Variants in BSN observed in about 807,000 individuals in gnomAD.
BSN encodes protein bassoon.
BSN carries 57 observed loss-of-function variants against 264.8 expected under a neutral mutation model. The ratio of observed to expected loss-of-function variants is 0.22; its 90% CI spans 0.17 to 0.27. The LOEUF is 0.27. Among genes scored for constraint, BSN ranks in the 10% least tolerant of loss-of-function variants. The pLI is 1.00. For missense variants in BSN, 4,615 were observed against 5,232.5 expected (o/e 0.88, Z 3.64); for synonymous variants, 2,059 against 2,137.3 (o/e 0.96, Z 1.01).
intron 1 of BSN, among the ~76,000 whole-genome samples, chr3:49,577,183 C>T (rs2051851077): frequency 6.6e-6 from 1 of 152,178 alleles, no homozygotes; most frequent in Non-Finnish European, 1.5e-5. Flanking sequence ...CGAATTTCTT[C>T]GCTATCTTGC....
chr3:49,607,524 C>T (rs1470892148), intron 1 of BSN, among the ~76,000 whole-genome samples: 1 of 152,222 alleles, frequency 6.6e-6, no homozygotes, highest in Non-Finnish European at 1.5e-5. Flanking sequence ...CTGTCACATG[C>T]TCACACACAC....
At chr3:49,667,321 AAAAAAG>A (rs2052719844) in intron 11 of BSN, among the ~76,000 whole-genome samples, 1 of 151,950 alleles carries the variant, frequency 6.6e-6, no homozygotes, top group Non-Finnish European at 1.5e-5. Context: ...AAAAAAAAAA[AAAAAAG>A]GAACTTTTGT....
At chr3:49,637,341 A>G (rs1299786232) in intron 2 of BSN, among the ~76,000 whole-genome samples, 1 of 152,034 alleles carries the variant, frequency 6.6e-6, no homozygotes, top group Non-Finnish European at 1.5e-5. Flanking sequence ...GGTAGACTCC[A>G]CCCTGTGAGC....
At chr3:49,635,120 C>G (rs1213764811) in intron 2 of BSN, among the ~76,000 whole-genome samples, 1 of 152,132 alleles carries the variant, frequency 6.6e-6, no homozygotes, top group Non-Finnish European at 1.5e-5. Flanking sequence ...TCTGTTTGGG[C>G]CATTGCCAAG....
In BSN at chr3:49,655,401, C is replaced by G. The variant is rs762937440; in HGVS notation, c.5845C>G (p.Pro1949Ala). 1.9e-6 allele frequency: 3 copies of G among 1,571,808 alleles called. No individual in the cohort carries two copies. In the Admixed American group the frequency reaches 5.3e-5, roughly 28 times the overall value. The change falls in exon 5 of 12, where the codon CCT becomes GCT. Residue 1949 changes from proline to alanine, a missense_variant. Physicochemically the swap from Pro to Ala is conservative, Grantham distance 27. Coordinates refer to ENST00000296452, the MANE Select transcript of BSN (RefSeq NM_003458.4). The part of the protein sequence containing the change: ...SPFYGPRDPE[P>A]PEPPTYRAQG... ...CTTCTATGGTCCCCGGGACCCTGAG[C>G]CTCCTGAGCCCCCAACCTACCGGGC...
In BSN at chr3:49,642,562, A is replaced by C; in HGVS notation, c.928A>C (p.Thr310Pro). Reference protein sequence around the residue: ...GRVSPQPPQPTKPSTAEPRPP... With the variant: ...GRVSPQPPQPPKPSTAEPRPP... ...GGTGTCTCCTCAGCCCCCTCAACCC[A>C]CCAAGCCTTCCACAGCTGAGCCCAG... Residue 310 changes from threonine (T) to proline (P), a missense_variant, in exon 3 of 12, where the codon ACC becomes CCC. Coordinates refer to ENST00000296452, the MANE Select transcript of BSN (RefSeq NM_003458.4). The surrounding 1 kb of genome is among the most constrained non-coding windows in gnomAD (Gnocchi z 7.0). 12 of 1,603,416 alleles carry C rather than the reference A, an allele frequency of 7.5e-6. No homozygotes were observed. The highest frequency in any genetic ancestry group is 9.4e-6 in the Non-Finnish European group (11 of 1,173,754).
At chr3:49,672,907 G>C (rs957563599), downstream of BSN, among the ~76,000 whole-genome samples, 33 of 150,588 alleles carry the variant, frequency 2.2e-4, no homozygotes, top group South Asian at 6.3e-4. Flanking sequence ...AGCCTCCCGA[G>C]TAACTGGGAC....
In BSN at chr3:49,663,346, T is replaced by C; in HGVS notation, c.11188T>C (p.Ser3730Pro). The part of the protein sequence containing the change: ...DSKKGSRQAH[S>P]GPAALQSKAE... ...CAAGAAGGGCTCCCGGCAAGCCCAC[T>C]CCGGGCCCGCTGCACTGCAGTCAAA... is the stretch of plus-strand genomic sequence containing the variant. Residue 3730 changes from serine to proline, a missense_variant, in exon 7 of 12, where the codon TCC becomes CCC. This residue lies in a region of BSN where 3,415 missense variants were observed against 3,866.4 expected (regional missense o/e 0.88). Transcript: ENST00000296452. 6.2e-7 allele frequency: 1 copy of C among 1,613,638 alleles called. No homozygotes were observed. The highest frequency in any genetic ancestry group is 8.5e-7 in the Non-Finnish European group (1 of 1,180,022).
intron 3 of BSN, among the ~76,000 whole-genome samples, chr3:49,643,900 G>A (rs2052486740): frequency 6.6e-6 from 1 of 152,176 alleles, no homozygotes; most frequent in Non-Finnish European, 1.5e-5. Context: ...TGCTAGGCAG[G>A]AGGGAGCAGG....
rs1266279236 is a variant in BSN at position 49,653,420 on chromosome 3, G to T, written c.3864G>T (p.Lys1288Asn). The T allele has an allele frequency of 1.2e-6, 2 of 1,613,896 alleles. No homozygotes were observed. Among genetic ancestry groups the T allele is most frequent in the African/African-American group, 2.7e-5 (2 of 74,912 alleles). The change falls in exon 5 of 12, where the codon AAG (lysine) becomes AAT (asparagine). Residue 1288 changes from lysine to asparagine, a missense_variant. Transcript: ENST00000296452. The surrounding 1 kb of genome is among the most constrained non-coding windows in gnomAD (Gnocchi z 6.3). ...LAFAEDKKKE[K>N]QFLNAESAYM... Reference sequence around the variant, plus strand: ...TTGCTGAGGACAAAAAGAAGGAGAAGCAGTTTCTAAATGCTGAGAGTGCAT... The same window carrying T: ...TTGCTGAGGACAAAAAGAAGGAGAATCAGTTTCTAAATGCTGAGAGTGCAT...
chr3:49,635,793 G>A (rs1457344890), intron 2 of BSN, among the ~76,000 whole-genome samples: 1 of 151,944 alleles, frequency 6.6e-6, no homozygotes, highest in African/African-American at 2.4e-5. Flanking sequence ...TGAGTAACAT[G>A]GCAAAACCCT....
In BSN at chr3:49,661,434, G is replaced by A. The variant is rs1391230161; in HGVS notation, c.9589G>A (p.Val3197Met). 2.5e-6 allele frequency: 4 copies of A among 1,613,766 alleles called. No individual in the cohort carries two copies. The highest frequency in any genetic ancestry group is 3.4e-6 in the Non-Finnish European group (4 of 1,180,024). Reference protein sequence around the residue: ...SGYEQGKVPEVPRAGDRGSVS... With the variant: ...SGYEQGKVPEMPRAGDRGSVS... ...CTATGAGCAGGGCAAGGTCCCTGAG[G>A]TGCCCCGGGCTGGTGACCGTGGCAG... Residue 3197 changes from valine (V) to methionine (M), a missense_variant, in exon 6 of 12, where the codon GTG becomes ATG. Physicochemically the swap from Val to Met is conservative, Grantham distance 21. This residue lies in a region of BSN where 3,415 missense variants were observed against 3,866.4 expected (regional missense o/e 0.88). Coordinates refer to ENST00000296452, the MANE Select transcript of BSN (RefSeq NM_003458.4).
At chr3:49,571,304 T>C (rs987679607) in intron 1 of BSN, among the ~76,000 whole-genome samples, 1 of 151,930 alleles carries the variant, frequency 6.6e-6, no homozygotes, top group Non-Finnish European at 1.5e-5. Flanking sequence ...GGAGCCTGGG[T>C]TTCCTAGCTC....
At chr3:49,572,138 TG>T (rs1384132283) in intron 1 of BSN, among the ~76,000 whole-genome samples, 2 of 152,242 alleles carry the variant, frequency 1.3e-5, no homozygotes, top group East Asian at 3.8e-4. Flanking sequence ...TGTTGACCAT[TG>T]GACTTGTAGG....
At chr3:49,598,798 A>G (rs552005361) in intron 1 of BSN, among the ~76,000 whole-genome samples, 37 of 152,358 alleles carry the variant, frequency 2.4e-4, no homozygotes, top group African/African-American at 8.7e-4. Flanking sequence ...GTTATTCAAC[A>G]TAGTAATGGA....
chr3:49,580,847 T>C (rs1194935774), intron 1 of BSN, among the ~76,000 whole-genome samples: 3 of 152,164 alleles, frequency 2.0e-5, no homozygotes, highest in African/African-American at 4.8e-5. Flanking sequence ...TTTAGTGGCA[T>C]TAATTACTGT....
At chr3:49,597,737 G>C (rs1303700480) in intron 1 of BSN, among the ~76,000 whole-genome samples, 2 of 151,770 alleles carry the variant, frequency 1.3e-5, no homozygotes, top group African/African-American at 2.4e-5. Context: ...CCGCCTTCTG[G>C]GTTCACACCA....
At position 49,651,819 on chromosome 3, in the gene BSN, G is replaced by A. The variant is rs977844076; in HGVS notation, c.2263G>A (p.Glu755Lys). ...CAAGCCACTCTCCAGCGGTACTGGC[G>A]AGGAGCAGAAGCAGCGGCCCCACTC... ...RSKPLSSGTGEEQKQRPHSLS... is the reference protein window; with the variant it reads ...RSKPLSSGTGKEQKQRPHSLS... Residue 755 changes from glutamate to lysine, a missense_variant, in exon 5 of 12, where the codon GAG (glutamate) becomes AAG (lysine). Glu to Lys is a moderately conservative substitution (Grantham distance 56, BLOSUM62 1). Coordinates refer to ENST00000296452, the MANE Select transcript of BSN (RefSeq NM_003458.4). This position sits in a 1 kb window ranked among gnomAD's most constrained non-coding sequence, Gnocchi z 5.4. The A allele has an allele frequency of 1.5e-5, 24 of 1,613,752 alleles. No homozygotes were observed. The highest frequency in any genetic ancestry group is 1.8e-5 in the Non-Finnish European group (21 of 1,180,054).
Position 49,661,885 on chromosome 3 carries a change from G to C in BSN, c.10040G>C (p.Ser3347Thr). Residue 3347 changes from serine to threonine, a missense_variant, in exon 6 of 12, where the codon AGC becomes ACC. Transcript: ENST00000296452. The stretch of plus-strand genomic sequence containing the variant: ...ATGGGGCCCAAGCATCCCTCCAAGA[G>C]CCTGGCTCCAGCTGCCATCTCCTCA... ...GPMGPKHPSK[S>T]LAPAAISSKR... The C allele has an allele frequency of 6.2e-7, 1 of 1,613,764 alleles. No individual in the cohort carries two copies. Among genetic ancestry groups the C allele is most frequent in the Non-Finnish European group, 8.5e-7 (1 of 1,180,040 alleles).
Sources: gnomAD v4.1 joint callset for allele counts (sites outside exome capture counted in the v4.1 genomes callset) on GRCh38, gnomAD v4.1.1 for gene constraint, gnomAD v4.1.1 regional missense constraint, Gnocchi (gnomAD v3.1) non-coding constraint, MANE v1.5 for transcripts, NCBI Gene and HGNC (gene_info 2026-07-23, HGNC 2026-07-21) for gene names.